The following GRB14 variants were observed in gnomAD, a reference collection of about 807,000 sequenced individuals.
The protein encoded by GRB14 is growth factor receptor-bound protein 14.
GRB14 carries 38 observed loss-of-function variants against 69.1 expected under a neutral mutation model. That is an observed-to-expected ratio of 0.55 (90% CI 0.42 to 0.72). The LOEUF (loss-of-function observed/expected upper bound fraction) is 0.72. Ranked by LOEUF, GRB14 falls within the 30% of genes least tolerant of loss-of-function variation. The probability of loss-of-function intolerance (pLI) is 0.00; values close to 1 mark genes in which losing one functional copy is unlikely to be tolerated. For synonymous variants in GRB14, 247 were observed against 241.3 expected (o/e 1.02, Z -0.22); for missense variants, 666 against 666.1 (o/e 1.00, Z 0.00).
chr2:164,548,724 T>C (rs964261667), intron 2 of GRB14, among the ~76,000 whole-genome samples: 18 of 152,312 alleles, frequency 1.2e-4, no homozygotes, highest in African/African-American at 4.3e-4. Context: ...CAATACTTGT[T>C]ATCTCTTGTC....
intron 2 of GRB14, among the ~76,000 whole-genome samples, chr2:164,607,428 AG>A (rs1208473442): frequency 6.6e-6 from 1 of 152,220 alleles, no homozygotes; most frequent in Non-Finnish European, 1.5e-5. Flanking sequence ...TACTGGGAAA[AG>A]GCAGTAGATG....
intron 2 of GRB14, among the ~76,000 whole-genome samples, chr2:164,577,543 T>C (rs1689282259): frequency 6.6e-6 from 1 of 152,222 alleles, no homozygotes. Context: ...CTGCCGTGAT[T>C]TTAAGTTTCC....
intron 13 of GRB14, among the ~76,000 whole-genome samples, chr2:164,493,768 G>A (rs1239088552): frequency 6.6e-6 from 1 of 151,512 alleles, no homozygotes; most frequent in African/African-American, 2.4e-5. Context: ...CCAAAAAGAG[G>A]CAATTCAAAA....
chr2:164,565,907 T>G (rs1688959524), intron 2 of GRB14, among the ~76,000 whole-genome samples: 2 of 152,198 alleles, frequency 1.3e-5, no homozygotes, highest in Non-Finnish European at 1.5e-5. Context: ...TTCAAGTTCC[T>G]AAGCACTACC....
Position 164,525,951 on chromosome 2 carries a change from T to C in GRB14, c.604-873A>G, listed in dbSNP as rs528276606. Reference sequence around the variant, plus strand: ...ACCTCCCAGTTAAGAACCACTGCAATAGGTCTACAAAACAAATGTCCAGCC... The same window carrying C: ...ACCTCCCAGTTAAGAACCACTGCAACAGGTCTACAAAACAAATGTCCAGCC... On this transcript the variant is annotated intron_variant, in intron 4 of 13. Transcript: ENST00000263915. 4.6e-5 allele frequency among the ~76,000 whole-genome samples: 7 copies of C among 152,138 alleles called. No homozygotes were observed. The South Asian group carries it at 8.3e-4, about 18-fold the overall frequency.
At chr2:164,607,585 T>C (rs1690070739) in intron 2 of GRB14, among the ~76,000 whole-genome samples, 1 of 152,206 alleles carries the variant, frequency 6.6e-6, no homozygotes, top group Non-Finnish European at 1.5e-5. Context: ...AAATAATCTT[T>C]AATAATCTGT....
At chr2:164,501,628 A>G (rs1028203704) in intron 9 of GRB14, among the ~76,000 whole-genome samples, 3 of 152,284 alleles carry the variant, frequency 2.0e-5, no homozygotes, top group African/African-American at 4.8e-5. Flanking sequence ...TACATTTAGT[A>G]TAAGTCTGAA....
intron 2 of GRB14, among the ~76,000 whole-genome samples, chr2:164,558,250 A>T (rs1688730622): frequency 2.0e-5 from 3 of 152,314 alleles, no homozygotes; most frequent in Non-Finnish European, 4.4e-5. Flanking sequence ...TATTAGGTAG[A>T]AAGAAGGACT....
chr2:164,621,417 G>A lies in GRB14; in HGVS notation c.-108C>T, dbSNP rs1313520117. On this transcript the variant is annotated 5_prime_UTR_variant, in exon 1 of 14. Coordinates refer to ENST00000263915, the MANE Select transcript of GRB14 (RefSeq NM_004490.3). The surrounding 1 kb of genome is among the most constrained non-coding windows in gnomAD (Gnocchi z 6.0). The stretch of plus-strand genomic sequence containing the variant: ...GGCTAGGCAGCCCGAGCGCTCTGCA[G>A]GTGTGGTGGCCTCGCCGCCTGCGCT... 10 of 951,022 alleles carry A rather than the reference G, an allele frequency of 1.1e-5. No individual in the cohort carries two copies. The highest frequency in any genetic ancestry group is 4.3e-5 in the Admixed American group (1 of 23,164). 58.9% of individuals were successfully genotyped at this position (951,022 alleles called of 1,614,324 possible). A position where few individuals can be genotyped will look rare whatever the true frequency, so the allele number is the denominator to read the frequency against.
At chr2:164,525,397 C>T (rs1432739493) in intron 4 of GRB14, among the ~76,000 whole-genome samples, 1 of 152,050 alleles carries the variant, frequency 6.6e-6, no homozygotes, top group Non-Finnish European at 1.5e-5. Context: ...CGCAACCAGC[C>T]TATCAGGTCA....
intron 3 of GRB14, among the ~76,000 whole-genome samples, chr2:164,540,933 C>T (rs986952306): frequency 2.6e-5 from 4 of 151,580 alleles, no homozygotes; most frequent in Admixed American, 2.6e-4. Context: ...TGTAAAATGA[C>T]AAGTAAAAAA....
At chr2:164,525,897 C>T (rs373016152) in intron 4 of GRB14, among the ~76,000 whole-genome samples, 2 of 152,080 alleles carry the variant, frequency 1.3e-5, no homozygotes, top group South Asian at 2.1e-4. Context: ...GTTGTGACAA[C>T]CAAAAATGTG....
intron 2 of GRB14, among the ~76,000 whole-genome samples, chr2:164,578,163 G>A (rs1293338307): frequency 2.0e-5 from 3 of 152,214 alleles, no homozygotes; most frequent in African/African-American, 7.2e-5. Context: ...AACCTGGGAG[G>A]TGGCAGTTGT....
Position 164,508,424 on chromosome 2 carries a change from T to A in GRB14, c.1023+31A>T, listed in dbSNP as rs771629339. The A allele has an allele frequency of 3.2e-6, 5 of 1,546,928 alleles. No individual in the cohort carries two copies. In the Admixed American group the frequency reaches 8.4e-5, roughly 26 times the overall value. Reference sequence around the variant, plus strand: ...TAACTTTTATGGTACTCACAGCAGTTAATAGAAATTCATGCCTCCGGCGAG... The same window carrying A: ...TAACTTTTATGGTACTCACAGCAGTAAATAGAAATTCATGCCTCCGGCGAG... On this transcript the variant is annotated intron_variant, in intron 8 of 13. Transcript: ENST00000263915.
intron 6 of GRB14, among the ~76,000 whole-genome samples, chr2:164,514,657 T>G (rs751371895): frequency 6.6e-6 from 1 of 151,906 alleles, no homozygotes; most frequent in Non-Finnish European, 1.5e-5. Flanking sequence ...CCAGCTGAAC[T>G]TTGTAACAAT....
intron 9 of GRB14, among the ~76,000 whole-genome samples, chr2:164,500,835 C>T (rs551871119): frequency 1.3e-5 from 2 of 152,192 alleles, no homozygotes; most frequent in South Asian, 4.1e-4. Flanking sequence ...ATAGCAGCAT[C>T]ACCTTCAATG....
intron 2 of GRB14, among the ~76,000 whole-genome samples, chr2:164,584,600 C>A (rs936231478): frequency 6.6e-6 from 1 of 151,498 alleles, no homozygotes; most frequent in African/African-American, 2.4e-5. Flanking sequence ...AAAAAAAATA[C>A]TTTTCAGGAG....
At chr2:164,518,019 C>T (rs889221916) in intron 6 of GRB14, among the ~76,000 whole-genome samples, 12 of 152,130 alleles carry the variant, frequency 7.9e-5, no homozygotes, top group Non-Finnish European at 1.6e-4. Flanking sequence ...AACAAATGGA[C>T]TTAACAGATA....
chr2:164,521,951 C>A, intron 6 of GRB14, 29 bp downstream of exon 6: 1 of 1,555,956 alleles, frequency 6.4e-7, no homozygotes, highest in South Asian at 1.2e-5. Context: ...ATATGTCAGT[C>A]ATAACACATC....
Sources: allele counts gnomAD v4.1 joint callset (sites outside exome capture counted in the v4.1 genomes callset), GRCh38; gene constraint gnomAD v4.1.1; non-coding constraint Gnocchi (gnomAD v3.1); transcripts MANE v1.5; gene names NCBI Gene and HGNC (gene_info 2026-07-23, HGNC 2026-07-21).